DNAJC6: variants seen among roughly 807,000 people sequenced by gnomAD.
The protein encoded by DNAJC6 is auxilin.
In DNAJC6, 34 loss-of-function variants were observed where a neutral mutation model predicts 110.0. The observed-to-expected ratio is 0.31, with a 90% CI of 0.24 to 0.41. The LOEUF (loss-of-function observed/expected upper bound fraction) is 0.41. DNAJC6 is among the 10% of genes least tolerant of loss of function. DNAJC6 has a pLI of 1.00. For synonymous variants in DNAJC6, 406 were observed against 437.2 expected (o/e 0.93, Z 0.89); for missense variants, 1,031 against 1,207.8 (o/e 0.85, Z 2.17).
At chr1:65,359,921 A>G (rs548545624) in intron 1 of DNAJC6, among the ~76,000 whole-genome samples, 15 of 152,220 alleles carry the variant, frequency 9.9e-5, no homozygotes, top group Admixed American at 2.0e-4. Flanking sequence ...TCTTCTTTCT[A>G]CTTTTTTCAA....
intron 1 of DNAJC6, among the ~76,000 whole-genome samples, chr1:65,338,712 A>G (rs1283969490): frequency 3.3e-5 from 5 of 151,820 alleles, no homozygotes; most frequent in Admixed American, 2.6e-4. Context: ...GTATCTATCC[A>G]CTCTCTCTTG....
At chr1:65,361,500 T>C (rs990703245) in intron 1 of DNAJC6, among the ~76,000 whole-genome samples, 6 of 152,242 alleles carry the variant, frequency 3.9e-5, no homozygotes, top group African/African-American at 1.2e-4. Flanking sequence ...ACCTGAAATA[T>C]GATTGAAAGA....
At chr1:65,405,741 A>G in intron 15 of DNAJC6, 129 bp from the exon 16 acceptor site, 1 of 1,109,964 alleles carries the variant, frequency 9.0e-7, no homozygotes, top group South Asian at 1.6e-5. Context: ...CTTTATCTAT[A>G]TTAGGAAGAT....
intron 1 of DNAJC6, among the ~76,000 whole-genome samples, chr1:65,268,097 A>G (rs1653395546): frequency 6.6e-6 from 1 of 152,234 alleles, no homozygotes; most frequent in Non-Finnish European, 1.5e-5. Context: ...ACTGAAAAAG[A>G]GAATCAGGTA....
chr1:65,309,032 A>G (rs1275184905), upstream of DNAJC6, among the ~76,000 whole-genome samples: 2 of 152,170 alleles, frequency 1.3e-5, no homozygotes, highest in Non-Finnish European at 2.9e-5. Flanking sequence ...TTTCTGTTGA[A>G]TTGAGTTACA....
rs1427217088 is a variant in DNAJC6, at chr1:65,365,075, AGCCCTCAG to A, written c.344+293_344+300del. Among the ~76,000 whole-genome samples, 5 of 152,190 alleles carry A rather than the reference AGCCCTCAG, an allele frequency of 3.3e-5. No homozygotes were observed. The East Asian group carries it at 9.6e-4, about 29-fold the overall frequency. On this transcript the variant is annotated intron_variant, in intron 2 of 18. Transcript: ENST00000371069. ...GCAATATCTGCCCTTGTTAACTAAG[AGCCCTCAG>A]GCAAGTTAATTAACCTCTCAGAGCT...
intron 4 of DNAJC6, among the ~76,000 whole-genome samples, chr1:65,377,832 T>C (rs1251706425): frequency 1.3e-5 from 2 of 152,314 alleles, no homozygotes; most frequent in East Asian, 3.9e-4. Flanking sequence ...CATGGTCAAA[T>C]AGAAGGAATT....
At chr1:65,305,441 G>A (rs959859228), upstream of DNAJC6, among the ~76,000 whole-genome samples, 13 of 152,130 alleles carry the variant, frequency 8.5e-5, no homozygotes, top group African/African-American at 2.2e-4. Context: ...ATCTTACTGC[G>A]TTCCAAACTC....
At chr1:65,400,442 G>C (rs1013370240) in intron 14 of DNAJC6, among the ~76,000 whole-genome samples, 1 of 152,112 alleles carries the variant, frequency 6.6e-6, no homozygotes, top group African/African-American at 2.4e-5. Context: ...CTTTCTAGCT[G>C]TAATAATATA....
intron 5 of DNAJC6, chr1:65,383,963 T>G (rs1039376420): frequency 2.6e-6 from 1 of 377,538 alleles, no homozygotes; most frequent in Non-Finnish European, 4.7e-6. Flanking sequence ...CAAATTGGGC[T>G]TCTCAGATTA....
rs1406545713 is a variant in DNAJC6, at chr1:65,362,185, TAGAC to T, written c.194-2448_194-2445del. 1.5e-4 allele frequency among the ~76,000 whole-genome samples: 4 copies of T among 25,880 alleles called. No individual in the cohort carries two copies. In the African/African-American group the frequency reaches 2.1e-3, roughly 13 times the overall value. 17.0% of individuals were successfully genotyped at this position (25,880 alleles called of 152,430 possible). A position where few individuals can be genotyped will look rare whatever the true frequency, so the allele number is the denominator to read the frequency against. On this transcript the variant is annotated intron_variant, in intron 1 of 18. Coordinates refer to ENST00000371069, the MANE Select transcript of DNAJC6 (RefSeq NM_001256864.2). ...CTGGGTTCACTAGCTTGTATGCCCT[TAGAC>T]AAGTTTCTTAACGTCTGTGCCTCAG...
rs558823181 is a variant in DNAJC6, at chr1:65,299,644, CT to C, written c.-131+34713del. Among the ~76,000 whole-genome samples, 708 of 152,282 alleles carry C rather than the reference CT, an allele frequency of 4.6e-3. 14 individuals carry two copies. Among genetic ancestry groups the C allele is most frequent in the Middle Eastern group, 3.4e-3 (1 of 294 alleles). ...ACTTTATGTTATGCAATTTTAATAA[CT>C]ACCCTGTTTTTATTAGTATTTTATG... On this transcript the variant is annotated intron_variant, in intron 1 of 19. Coordinates refer to the DNAJC6 transcript ENST00000263441.
At chr1:65,348,896 G>T (rs971340135) in intron 1 of DNAJC6, among the ~76,000 whole-genome samples, 1 of 146,854 alleles carries the variant, frequency 6.8e-6, no homozygotes, top group African/African-American at 2.5e-5. Flanking sequence ...AATTCTTCTG[G>T]CTTTTTGGCT....
upstream of DNAJC6, among the ~76,000 whole-genome samples, chr1:65,306,974 C>T (rs977713610): frequency 6.1e-5 from 2 of 32,974 alleles, no homozygotes; most frequent in East Asian, 3.1e-3. Context: ...CAATCTGTTT[C>T]TCTCTCTCTC....
At chr1:65,292,435 T>C (rs56662561) in intron 1 of DNAJC6, among the ~76,000 whole-genome samples, 68,558 of 151,394 alleles carry the variant, frequency 0.45, 15,499 homozygotes, top group East Asian at 0.52. Context: ...CCCCAAACTT[T>C]TTTCTTTTTT....
chr1:65,379,832 T>C (rs1456141732), intron 5 of DNAJC6: 2 of 196,022 alleles, frequency 1.0e-5, no homozygotes, highest in African/African-American at 4.6e-5. Context: ...GCCATTGACT[T>C]TTGTGTGAAT....
At chr1:65,391,322 G>A (rs1645923587) in intron 11 of DNAJC6, among the ~76,000 whole-genome samples, 1 of 152,086 alleles carries the variant, frequency 6.6e-6, no homozygotes, top group Admixed American at 6.6e-5. Context: ...TTGGAATAAA[G>A]GATGTGGATC....
chr1:65,296,372 C>A (rs531849404), intron 1 of DNAJC6, among the ~76,000 whole-genome samples: 4 of 152,254 alleles, frequency 2.6e-5, no homozygotes, highest in African/African-American at 9.6e-5. Context: ...ACTTTATTGG[C>A]TGAATTCATA....
At chr1:65,380,910 TG>T (rs1645811949) in intron 5 of DNAJC6, among the ~76,000 whole-genome samples, 22 of 119,978 alleles carry the variant, frequency 1.8e-4, no homozygotes, top group African/African-American at 6.4e-4. Context: ...TTTTGTTTTT[TG>T]TTTTGTTTTG....
Sources: allele counts gnomAD v4.1 joint callset (sites outside exome capture counted in the v4.1 genomes callset), GRCh38; gene constraint gnomAD v4.1.1; transcripts MANE v1.5; gene names NCBI Gene and HGNC (gene_info 2026-07-23, HGNC 2026-07-21).